Variants in RXFP1 observed in about 807,000 individuals in gnomAD.
RXFP1 encodes relaxin receptor 1.
Under a neutral mutation model 89.8 loss-of-function variants are expected in RXFP1, and 73 were observed. That is an observed-to-expected ratio of 0.81 (90% CI 0.67 to 0.99). RXFP1 has a LOEUF of 0.99. Among genes scored for constraint, RXFP1 ranks in the 50% least tolerant of loss-of-function variants. RXFP1 has a pLI of 0.00. For missense variants in RXFP1, 793 were observed against 895.5 expected, an observed-to-expected ratio of 0.89 and a Z score of 1.46; for synonymous variants, 277 against 305.5, an observed-to-expected ratio of 0.91 and a Z score of 0.97.
At chr4:158,612,693 C>G (rs1433414017) in intron 8 of RXFP1, among the ~76,000 whole-genome samples, 1 of 151,958 alleles carries the variant, frequency 6.6e-6, no homozygotes, top group Non-Finnish European at 1.5e-5. Context: ...TCACCACAAC[C>G]CCCGCCTCCT....
At chr4:158,545,859 A>G (rs942251910) in intron 1 of RXFP1, among the ~76,000 whole-genome samples, 1 of 152,122 alleles carries the variant, frequency 6.6e-6, no homozygotes, top group African/African-American at 2.4e-5. Context: ...GTAGCCTTGT[A>G]GTATAGTTTG....
chr4:158,593,065 C>T lies in RXFP1; in HGVS notation c.188-336C>T, dbSNP rs997827908. Among the ~76,000 whole-genome samples, 19 of 148,492 alleles carry T rather than the reference C, an allele frequency of 1.3e-4. No individual in the cohort carries two copies. In the East Asian group the frequency reaches 2.6e-3, roughly 20 times the overall value. ...ATCGTGCCACAGCACTCCACCTGGGCGACCAGGCGAGACTCTGTCTCAAAA... is the reference window on the plus strand; with the variant it reads ...ATCGTGCCACAGCACTCCACCTGGGTGACCAGGCGAGACTCTGTCTCAAAA... On this transcript the variant is annotated intron_variant, in intron 2 of 17. Transcript: ENST00000307765.
intron 1 of RXFP1, among the ~76,000 whole-genome samples, chr4:158,540,220 C>A (rs972186226): frequency 5.9e-5 from 9 of 152,058 alleles, no homozygotes; most frequent in African/African-American, 2.2e-4. Context: ...GGCAGAGCAG[C>A]GGCATGGGCT....
At chr4:158,593,588 C>A in intron 3 of RXFP1, 89 bp downstream of exon 3, 1 of 657,368 alleles carries the variant, frequency 1.5e-6, no homozygotes, top group South Asian at 3.2e-5. Flanking sequence ...AAAAAGATTG[C>A]ATCTCAATCT....
At position 158,638,048 on chromosome 4, in the gene RXFP1, C is replaced by A; in HGVS notation, c.1012C>A (p.Gln338Lys). ...TCCAATCCAGAAAATTCAAGCAAAC[C>A]AATTTGATTATCTTGTCAAACTCAA... The part of the protein sequence containing the change: ...YNPIQKIQAN[Q>K]FDYLVKLKSL... The change falls in exon 13 of 18, where the codon CAA becomes AAA. Residue 338 changes from glutamine (Q) to lysine (K), a missense_variant. Coordinates refer to ENST00000307765, the MANE Select transcript of RXFP1 (RefSeq NM_021634.4). 6.2e-7 allele frequency: 1 copy of A among 1,603,570 alleles called. No homozygotes were observed.
intron 1 of RXFP1, among the ~76,000 whole-genome samples, chr4:158,522,852 C>A (rs1292627222): frequency 1.3e-5 from 2 of 152,064 alleles, no homozygotes; most frequent in Non-Finnish European, 2.9e-5. Context: ...AATTAACAAG[C>A]CTTTTTATAG....
At chr4:158,608,137 C>A in intron 6 of RXFP1, 94 bp downstream of exon 6, 1 of 783,046 alleles carries the variant, frequency 1.3e-6, no homozygotes, top group Non-Finnish European at 2.1e-6. Flanking sequence ...CATGACAGTA[C>A]CAAGGAGCCA....
intron 9 of RXFP1, among the ~76,000 whole-genome samples, chr4:158,626,152 A>ATAGATAGATAGATAGT (rs1561157977): frequency 1.7e-4 from 24 of 144,588 alleles, no homozygotes; most frequent in Non-Finnish European, 2.9e-4. Context: ...AGATAGATAG[A>ATAGATAGATAGATAGT]TAGATAGATA....
At chr4:158,548,356 G>T (rs1416623570) in intron 1 of RXFP1, among the ~76,000 whole-genome samples, 1 of 152,122 alleles carries the variant, frequency 6.6e-6, no homozygotes, top group Non-Finnish European at 1.5e-5. Flanking sequence ...CTGCATGTGA[G>T]ATGGGTTTCC....
rs765974932 is a variant in RXFP1 at position 158,639,261 on chromosome 4, A to G, written c.1045A>G (p.Ser349Gly). The G allele has an allele frequency of 1.8e-5, 28 of 1,521,698 alleles. No homozygotes were observed. The highest frequency in any genetic ancestry group is 2.5e-5 in the Non-Finnish European group (28 of 1,098,848). The allele number at this position is 1,521,698 out of a possible 1,614,324, so 94.3% of individuals were successfully genotyped here. A position where few individuals can be genotyped will look rare whatever the true frequency, so the allele number is the denominator to read the frequency against. ...FDYLVKLKSL[S>G]LEGIEISNIQ... is the part of the protein sequence containing the mutation. Reference sequence around the variant, plus strand: ...TGATTATTAATTTGATATTTTTAGCAGCCTAGAAGGGATTGAAATTTCAAA... The same window carrying G: ...TGATTATTAATTTGATATTTTTAGCGGCCTAGAAGGGATTGAAATTTCAAA... The change falls in exon 14 of 18, where the codon AGC becomes GGC. Residue 349 changes from serine (S) to glycine (G), a missense_variant and splice_region_variant. By Grantham distance (56) the Ser-to-Gly change is moderately conservative. Coordinates refer to ENST00000307765, the MANE Select transcript of RXFP1 (RefSeq NM_021634.4).
intron 2 of RXFP1, among the ~76,000 whole-genome samples, chr4:158,581,312 C>T (rs1561060210): frequency 6.6e-6 from 1 of 152,100 alleles, no homozygotes; most frequent in Non-Finnish European, 1.5e-5. Flanking sequence ...AATGGAAGTA[C>T]AGAGAGGTTA....
intron 3 of RXFP1, among the ~76,000 whole-genome samples, chr4:158,595,767 C>G (rs1760440336): frequency 6.6e-6 from 1 of 152,168 alleles, no homozygotes; most frequent in Non-Finnish European, 1.5e-5. Flanking sequence ...ATAGACGTCA[C>G]TCTTGTGAGA....
intron 3 of RXFP1, among the ~76,000 whole-genome samples, chr4:158,595,890 T>C (rs1200407046): frequency 2.0e-5 from 3 of 151,450 alleles, no homozygotes; most frequent in Non-Finnish European, 4.4e-5. Flanking sequence ...CTCACACTTA[T>C]AATCCCAGCA....
At chr4:158,630,134 C>T (rs1034430150) in intron 11 of RXFP1, among the ~76,000 whole-genome samples, 3 of 152,076 alleles carry the variant, frequency 2.0e-5, no homozygotes, top group Non-Finnish European at 4.4e-5. Flanking sequence ...ATACATGTAC[C>T]AGGAGCAGGA....
intron 2 of RXFP1, among the ~76,000 whole-genome samples, chr4:158,578,774 T>C (rs1387832585): frequency 6.6e-6 from 1 of 152,008 alleles, no homozygotes; most frequent in Admixed American, 6.6e-5. Context: ...CTCTTGTTCT[T>C]TAGCACTTTA....
At chr4:158,588,354 C>T (rs1031684002) in intron 2 of RXFP1, among the ~76,000 whole-genome samples, 3 of 152,092 alleles carry the variant, frequency 2.0e-5, no homozygotes, top group Admixed American at 2.0e-4. Context: ...TGGAAAAAAC[C>T]GGAAACTACT....
chr4:158,597,297 G>GA (rs1200265218), intron 3 of RXFP1, among the ~76,000 whole-genome samples: 1 of 152,008 alleles, frequency 6.6e-6, no homozygotes, highest in East Asian at 1.9e-4. Context: ...CAATATAATG[G>GA]AAAATATAAT....
At chr4:158,600,774 C>CTATG (rs1761532700) in intron 4 of RXFP1, among the ~76,000 whole-genome samples, 1 of 151,486 alleles carries the variant, frequency 6.6e-6, no homozygotes, top group African/African-American at 2.4e-5. Flanking sequence ...CTGCAGTGAG[C>CTATG]TATGATCAAG....
At chr4:158,620,021 G>A (rs781047889) in intron 9 of RXFP1, among the ~76,000 whole-genome samples, 13 of 152,140 alleles carry the variant, frequency 8.5e-5, no homozygotes, top group Non-Finnish European at 1.8e-4. Context: ...AACAGAACCA[G>A]AACCAGCAAT....
Sources: allele counts gnomAD v4.1 joint callset (sites outside exome capture counted in the v4.1 genomes callset), GRCh38; gene constraint gnomAD v4.1.1; transcripts MANE v1.5; gene names NCBI Gene and HGNC (gene_info 2026-07-23, HGNC 2026-07-21).